TMEM145: variants seen among roughly 807,000 people sequenced by gnomAD.
TMEM145 encodes transmembrane protein 145.
TMEM145 carries 46 observed loss-of-function variants against 68.5 expected under a neutral mutation model. That is an observed-to-expected ratio of 0.67 (90% confidence interval 0.53 to 0.86). The LOEUF is 0.86. TMEM145 is among the 40% of genes least tolerant of loss of function. The pLI, the probability that TMEM145 is intolerant of heterozygous loss-of-function variation, is 0.00. For missense variants in TMEM145, 570 were observed against 645.8 expected (o/e 0.88, Z 1.27); for synonymous variants, 255 against 280.2 (o/e 0.91, Z 0.90).
chr19:42,322,776 C>T (rs1471537492), intron 13 of TMEM145, among the ~76,000 whole-genome samples: 1 of 151,682 alleles, frequency 6.6e-6, no homozygotes, highest in African/African-American at 2.4e-5. Flanking sequence ...GATCTCGGCT[C>T]ACTGCAACCT....
Position 42,317,880 on chromosome 19 carries a change from T to G in TMEM145, c.1072T>G (p.Trp358Gly), listed in dbSNP as rs953671062. The G allele has an allele frequency of 5.6e-6, 9 of 1,614,128 alleles. No individual in the cohort carries two copies. Among genetic ancestry groups the G allele is most frequent in the Non-Finnish European group, 7.6e-6 (9 of 1,180,006 alleles). The change falls in exon 12 of 15, where the codon TGG becomes GGG. Residue 358 changes from tryptophan to glycine, a missense_variant and splice_region_variant. By Grantham distance (184) the Trp-to-Gly change is radical. Coordinates refer to ENST00000301204, the MANE Select transcript of TMEM145 (RefSeq NM_173633.3). Reference sequence around the variant, plus strand: ...GCCCTTCTTTGCTGCCTATACCCTCTGGTGAGAATTGGTGGGCCCCAGCCT... The same window carrying G: ...GCCCTTCTTTGCTGCCTATACCCTCGGGTGAGAATTGGTGGGCCCCAGCCT... ...YVPFFAAYTL[W>G]FFAVPVMALI...
chr19:42,321,460 G>C (rs1599988086), intron 13 of TMEM145: 1 of 241,088 alleles, frequency 4.1e-6, no homozygotes, highest in East Asian at 7.4e-5. Flanking sequence ...TGCGATCTCG[G>C]CTCACTGCAA....
Position 42,314,670 on chromosome 19 carries a change from A to G in TMEM145, c.331A>G (p.Thr111Ala). ...GGAGAACAACCAGGTCATCAACCTC[A>G]CCACCCAGTATGCCTGGTCCGGCTG... The part of the protein sequence containing the change: ...RPENNQVINL[T>A]TQYAWSGCQV... The change falls in exon 4 of 15, where the codon ACC becomes GCC. Residue 111 changes from threonine to alanine, a missense_variant. Physicochemically the swap from Thr to Ala is moderately conservative, Grantham distance 58. Transcript: ENST00000301204. 1 of 1,614,094 alleles carries G rather than the reference A, an allele frequency of 6.2e-7. No homozygotes were observed.
At chr19:42,321,386 GTTTT>G (rs751803295) in intron 13 of TMEM145, 236 of 159,688 alleles carry the variant, frequency 1.5e-3, no homozygotes, top group East Asian at 2.7e-3. Flanking sequence ...CGGTTAAGTG[GTTTT>G]TTTTTTTTTT....
chr19:42,323,659 T>A lies in TMEM145; in HGVS notation c.1271T>A (p.Val424Asp), dbSNP rs901583741. ...VRTSQIASAGVPGPGGSQSAD... is the reference protein window; with the variant it reads ...VRTSQIASAGDPGPGGSQSAD... ...ACGTCGCAGATCGCTTCAGCCGGAG[T>A]CCCTGGACCCGGAGGGAGCCAATCC... Residue 424 changes from valine to aspartate, a missense_variant, in exon 14 of 15, where the codon GTC (valine) becomes GAC (aspartate). Physicochemically the swap from Val to Asp is radical, Grantham distance 152. Coordinates refer to ENST00000301204, the MANE Select transcript of TMEM145 (RefSeq NM_173633.3). The A allele has an allele frequency of 1.9e-6, 3 of 1,613,828 alleles. No homozygotes were observed. The highest frequency in any genetic ancestry group is 2.7e-5 in the African/African-American group (2 of 74,818).
At chr19:42,324,564 G>C (rs1468947160) in intron 14 of TMEM145, 173 bp from the exon 15 acceptor site, 1 of 985,034 alleles carries the variant, frequency 1.0e-6, no homozygotes, top group Non-Finnish European at 1.2e-6. Context: ...GCCATGACCG[G>C]GCCCCGGCCG....
At chr19:42,324,035 C>T (rs1262698065) in intron 14 of TMEM145, among the ~76,000 whole-genome samples, 1 of 152,044 alleles carries the variant, frequency 6.6e-6, no homozygotes, top group African/African-American at 2.4e-5. Flanking sequence ...CCCCACCGCC[C>T]GCCTTCCGCG....
Position 42,313,809 on chromosome 19 carries a change from T to C in TMEM145, c.120+313T>C, listed in dbSNP as rs2038826781. On this transcript the variant is annotated intron_variant, in intron 1 of 14. Transcript: ENST00000301204. This position sits in a 1 kb window ranked among gnomAD's most constrained non-coding sequence, Gnocchi z 5.1. ...GTGCTGAAGGGACAGCACTTTTCAC[T>C]CAGCAGAGAGCCCCGAGCTCGCCGC... 6.6e-6 allele frequency among the ~76,000 whole-genome samples: 1 copy of C among 151,650 alleles called. No homozygotes were observed. Among genetic ancestry groups the C allele is most frequent in the Non-Finnish European group, 1.5e-5 (1 of 67,902 alleles).
rs371394093 is a variant in TMEM145, at chr19:42,314,262, C to G, written c.121-10C>G. The G allele has an allele frequency of 5.1e-5, 82 of 1,613,796 alleles. No homozygotes were observed. Among genetic ancestry groups the G allele is most frequent in the Non-Finnish European group, 6.8e-5 (80 of 1,179,962 alleles). Reference sequence around the variant, plus strand: ...ACTCAGCGGAGGGTCAGACTGGGCCCCTTTTTCAGGACTGGGTGTTCCTGA... The same window carrying G: ...ACTCAGCGGAGGGTCAGACTGGGCCGCTTTTTCAGGACTGGGTGTTCCTGA... On this transcript the variant is annotated splice_polypyrimidine_tract_variant and intron_variant, in intron 1 of 14. Transcript: ENST00000301204.
intron 12 of TMEM145, among the ~76,000 whole-genome samples, chr19:42,319,398 C>A (rs2038890138): frequency 6.6e-6 from 1 of 152,196 alleles, no homozygotes; most frequent in African/African-American, 2.4e-5. Context: ...GTCCTTACTT[C>A]TTATTATCAT....
At chr19:42,321,327 T>G in intron 13 of TMEM145, 3 of 359,916 alleles carry the variant, frequency 8.3e-6, no homozygotes, top group East Asian at 8.2e-5. Context: ...CAGGTTCTCC[T>G]GCCTCAGCCT....
At chr19:42,324,218 C>T (rs1420680169) in intron 14 of TMEM145, 2 of 976,982 alleles carry the variant, frequency 2.0e-6, no homozygotes, top group Non-Finnish European at 2.4e-6. Context: ...GACGGGCCTT[C>T]GGGGCCGCAT....
rs111353949 is a variant in TMEM145 at position 42,319,757 on chromosome 19, CT to C, written c.1074-541del. On this transcript the variant is annotated intron_variant, in intron 12 of 14. Transcript: ENST00000301204. ...GCCACTGTGCCCGGCCTGATTTCTT[CT>C]TTTTTTTTTTTTTTTTTTGAGATGG... is the stretch of plus-strand genomic sequence containing the variant. Among the ~76,000 whole-genome samples, 648 of 102,592 alleles carry C rather than the reference CT, an allele frequency of 6.3e-3. 4 individuals carry two copies. Among genetic ancestry groups the C allele is most frequent in the East Asian group, 0.02 (69 of 3,370 alleles). 67.3% of individuals were successfully genotyped at this position (102,592 alleles called of 152,430 possible). A position where few individuals can be genotyped will look rare whatever the true frequency, so the allele number is the denominator to read the frequency against.
At chr19:42,324,332 C>T in intron 14 of TMEM145, 1 of 985,264 alleles carries the variant, frequency 1.0e-6, no homozygotes. Flanking sequence ...CCCGAGGGGC[C>T]GCGTGGTGAC....
rs769856165 is a variant in TMEM145 at position 42,324,844 on chromosome 19, G to A, written c.*27G>A. On this transcript the variant is annotated 3_prime_UTR_variant, in exon 15 of 15. Transcript: ENST00000301204. Reference sequence around the variant, plus strand: ...CCCGCTGGACTCCGGAACACCCGTGGTGACCGCCGGGACCCTGCCTGTGAC... The same window carrying A: ...CCCGCTGGACTCCGGAACACCCGTGATGACCGCCGGGACCCTGCCTGTGAC... 2 of 1,523,778 alleles carry A rather than the reference G, an allele frequency of 1.3e-6. No homozygotes were observed. The highest frequency in any genetic ancestry group is 1.4e-5 in the African/African-American group (1 of 70,040). 94.4% of individuals were successfully genotyped at this position (1,523,778 alleles called of 1,614,324 possible).
At chr19:42,321,124 A>G (rs1001525024) in intron 13 of TMEM145, 2 of 398,750 alleles carry the variant, frequency 5.0e-6, no homozygotes, top group Non-Finnish European at 8.8e-6. Context: ...CCCCTGCCCA[A>G]ATTCTGCCAT....
At position 42,316,572 on chromosome 19, in the gene TMEM145, AG is replaced by A; in HGVS notation, c.727+12del. 1 of 1,614,094 alleles carries A rather than the reference AG, an allele frequency of 6.2e-7. No homozygotes were observed. The stretch of plus-strand genomic sequence containing the variant: ...GTGTGAAGATCTTGGGTGAGAATGA[AG>A]CTGGGTGGGGAGAGGGTGGAGCCCA... On this transcript the variant is annotated intron_variant, in intron 9 of 14. Coordinates refer to ENST00000301204, the MANE Select transcript of TMEM145 (RefSeq NM_173633.3).
intron 12 of TMEM145, among the ~76,000 whole-genome samples, chr19:42,319,486 G>T (rs776688120): frequency 6.6e-6 from 1 of 151,838 alleles, no homozygotes; most frequent in East Asian, 1.9e-4. Flanking sequence ...TTGCTCTGTC[G>T]CCCAGGCTGG....
intron 12 of TMEM145, 144 bp downstream of exon 12, chr19:42,318,025 CT>C: frequency 3.2e-6 from 3 of 925,722 alleles, no homozygotes; most frequent in Non-Finnish European, 4.9e-6. Flanking sequence ...CACTTACTCA[CT>C]TTGTGAAAAA....
Sources: gnomAD v4.1 joint callset for allele counts (sites outside exome capture counted in the v4.1 genomes callset) on GRCh38, gnomAD v4.1.1 for gene constraint, Gnocchi (gnomAD v3.1) non-coding constraint, MANE v1.5 for transcripts, NCBI Gene and HGNC (gene_info 2026-07-23, HGNC 2026-07-21) for gene names.